The following RALGPS2 variants were observed in gnomAD, a reference collection of about 807,000 sequenced individuals.
RALGPS2 encodes the protein ras-specific guanine nucleotide-releasing factor RalGPS2.
In RALGPS2, 43 loss-of-function variants were observed where a neutral mutation model predicts 86.8. The observed-to-expected ratio is 0.50, with a 90% CI of 0.39 to 0.64. The LOEUF (loss-of-function observed/expected upper bound fraction) is 0.64. RALGPS2 is among the 30% of genes least tolerant of loss of function. RALGPS2 has a pLI of 0.00. For missense variants in RALGPS2, 536 were observed against 694.6 expected (o/e 0.77, Z 2.57); for synonymous variants, 243 against 231.3 (o/e 1.05, Z -0.46).
intron 4 of RALGPS2, among the ~76,000 whole-genome samples, chr1:178,799,076 G>A (rs1348375278): frequency 6.6e-6 from 1 of 152,114 alleles, no homozygotes; most frequent in Non-Finnish European, 1.5e-5. Flanking sequence ...GTCTTGCTCT[G>A]TCACCCAAGC....
Position 178,865,481 on chromosome 1 carries a change from A to G in RALGPS2, c.608-12017A>G, listed in dbSNP as rs751787418. 20 of 1,613,924 alleles carry G rather than the reference A, an allele frequency of 1.2e-5. No individual in the cohort carries two copies. In the East Asian group the frequency reaches 1.3e-4, roughly 11 times the overall value. On this transcript the variant is annotated intron_variant, in intron 8 of 19. Transcript: ENST00000367635. ...ATCCACCACCAGTTGCAGAACATCTATCTCCCGCTTCTGCCTGGAGAGCAC... is the reference window on the plus strand; with the variant it reads ...ATCCACCACCAGTTGCAGAACATCTGTCTCCCGCTTCTGCCTGGAGAGCAC...
At chr1:178,852,731 T>C in intron 8 of RALGPS2, 1 of 1,613,900 alleles carries the variant, frequency 6.2e-7, no homozygotes. Context: ...TGTTTACCAT[T>C]ATGCCACATC....
At chr1:178,733,189 G>A (rs373247476) in intron 1 of RALGPS2, among the ~76,000 whole-genome samples, 10 of 152,156 alleles carry the variant, frequency 6.6e-5, no homozygotes, top group African/African-American at 2.4e-4. Flanking sequence ...TTTAAACCAG[G>A]ATGCAAAAAG....
intron 19 of RALGPS2, among the ~76,000 whole-genome samples, chr1:178,913,862 C>G (rs1271652900): frequency 6.6e-6 from 1 of 152,158 alleles, no homozygotes; most frequent in Admixed American, 6.5e-5. Context: ...CTGGGTGGAC[C>G]AAGGTGCTCC....
intron 1 of RALGPS2, 99 bp downstream of exon 1, chr1:178,725,518 C>G (rs928214197): frequency 6.5e-6 from 1 of 153,122 alleles, no homozygotes; most frequent in African/African-American, 2.4e-5. Flanking sequence ...GGCGGCGGCG[C>G]TGCGGAGTGT....
In RALGPS2 at chr1:178,900,938, T is replaced by A. The variant is rs1238143358; in HGVS notation, c.1525-1168T>A. 2.6e-5 allele frequency among the ~76,000 whole-genome samples: 4 copies of A among 151,988 alleles called. No individual in the cohort carries two copies. In the East Asian group the frequency reaches 7.7e-4, roughly 29 times the overall value. ...TTGAAAAAGGGAATTGAGGTGGAAG[T>A]TTTTAGGCTTAAGAAAAGAATATTA... On this transcript the variant is annotated intron_variant, in intron 17 of 19. Coordinates refer to ENST00000367635, the MANE Select transcript of RALGPS2 (RefSeq NM_152663.5).
In RALGPS2 at chr1:178,830,248, T is replaced by A. The variant is rs1655953221; in HGVS notation, c.481-3176T>A. Among the ~76,000 whole-genome samples, 3 of 152,124 alleles carry A rather than the reference T, an allele frequency of 2.0e-5. 1 individual carries two copies. The South Asian group carries it at 6.2e-4, about 32-fold the overall frequency. On this transcript the variant is annotated intron_variant, in intron 7 of 19. Coordinates refer to ENST00000367635, the MANE Select transcript of RALGPS2 (RefSeq NM_152663.5). Reference sequence around the variant, plus strand: ...TGCTGGTGGAAGATTGATTGTAAAATTTATATGGAAATTTAAAGGTTCAGG... The same window carrying A: ...TGCTGGTGGAAGATTGATTGTAAAAATTATATGGAAATTTAAAGGTTCAGG...
chr1:178,820,269 G>A (rs983784973), intron 6 of RALGPS2, among the ~76,000 whole-genome samples: 6 of 152,240 alleles, frequency 3.9e-5, no homozygotes, highest in East Asian at 1.9e-4. Flanking sequence ...GTTGTGAACC[G>A]ATGCCTGGCA....
At chr1:178,820,181 A>G (rs1445630357) in intron 6 of RALGPS2, among the ~76,000 whole-genome samples, 1 of 152,214 alleles carries the variant, frequency 6.6e-6, no homozygotes, top group Admixed American at 6.5e-5. Flanking sequence ...TTTCCCACCT[A>G]GTGAACCTGA....
chr1:178,752,058 C>G (rs890830145), intron 1 of RALGPS2, among the ~76,000 whole-genome samples: 1 of 152,022 alleles, frequency 6.6e-6, no homozygotes, highest in Non-Finnish European at 1.5e-5. Flanking sequence ...ATTTACTGAG[C>G]CCAGATTGGT....
At chr1:178,809,889 A>G (rs2102198048) in intron 5 of RALGPS2, among the ~76,000 whole-genome samples, 1 of 152,276 alleles carries the variant, frequency 6.6e-6, no homozygotes, top group Non-Finnish European at 1.5e-5. Flanking sequence ...CAGATTCAGT[A>G]AGAAGTGATA....
chr1:178,730,218 A>G lies in RALGPS2; in HGVS notation c.-84+4799A>G, dbSNP rs572608257. Reference sequence around the variant, plus strand: ...TGGCCTCCCTAAGTGCTGAGATTACAGGTGTGAGCCACCATGCCTGGCCCT... The same window carrying G: ...TGGCCTCCCTAAGTGCTGAGATTACGGGTGTGAGCCACCATGCCTGGCCCT... On this transcript the variant is annotated intron_variant, in intron 1 of 19. Coordinates refer to ENST00000367635, the MANE Select transcript of RALGPS2 (RefSeq NM_152663.5). Among the ~76,000 whole-genome samples, 387 of 152,332 alleles carry G rather than the reference A, an allele frequency of 2.5e-3. 1 individual carries two copies. The highest frequency in any genetic ancestry group is 6.8e-3 in the Middle Eastern group (2 of 294).
At chr1:178,774,034 A>C (rs1342642591) in intron 1 of RALGPS2, among the ~76,000 whole-genome samples, 1 of 152,214 alleles carries the variant, frequency 6.6e-6, no homozygotes, top group African/African-American at 2.4e-5. Context: ...TGAGGTTAAG[A>C]GTTCGAGACC....
chr1:178,789,812 C>T (rs1425488160), intron 4 of RALGPS2, among the ~76,000 whole-genome samples: 3 of 152,180 alleles, frequency 2.0e-5, no homozygotes, highest in African/African-American at 7.2e-5. Context: ...ACCATTTTAT[C>T]TGACTGGCAC....
chr1:178,807,929 TTAAA>T (rs1417949683), intron 4 of RALGPS2, 112 bp from the exon 5 acceptor site: 4 of 727,104 alleles, frequency 5.5e-6, no homozygotes, highest in Non-Finnish European at 4.8e-6. Context: ...TATGTTCCCA[TTAAA>T]TAAAGTGATT....
At chr1:178,888,818 C>G (rs1659599830) in intron 13 of RALGPS2, among the ~76,000 whole-genome samples, 1 of 152,062 alleles carries the variant, frequency 6.6e-6, no homozygotes, top group African/African-American at 2.4e-5. Context: ...TTACAGGTGT[C>G]TGATGGATAC....
chr1:178,822,556 A>G (rs1655555593), intron 7 of RALGPS2, among the ~76,000 whole-genome samples: 1 of 152,126 alleles, frequency 6.6e-6, no homozygotes. Context: ...TGCTTTTTAT[A>G]GTATCTGAAG....
chr1:178,890,105 T>G (rs1463272211), intron 14 of RALGPS2, among the ~76,000 whole-genome samples: 1 of 151,968 alleles, frequency 6.6e-6, no homozygotes, highest in African/African-American at 2.4e-5. Flanking sequence ...TTAATAAATT[T>G]TAAATTATAC....
intron 8 of RALGPS2, among the ~76,000 whole-genome samples, chr1:178,855,052 C>G (rs1657435531): frequency 6.6e-6 from 1 of 151,998 alleles, no homozygotes. Flanking sequence ...TTATATTTTA[C>G]TAGAAATATG....
Sources: gnomAD v4.1 joint callset for allele counts (sites outside exome capture counted in the v4.1 genomes callset) on GRCh38, gnomAD v4.1.1 for gene constraint, MANE v1.5 for transcripts, NCBI Gene and HGNC (gene_info 2026-07-23, HGNC 2026-07-21) for gene names.